TSTD2: variants seen among roughly 807,000 people sequenced by gnomAD.
TSTD2 encodes thiosulfate sulfurtransferase like domain containing 2.
Under a neutral mutation model 47.9 loss-of-function variants are expected in TSTD2, and 37 were observed. The observed-to-expected ratio is 0.77, with a 90% CI of 0.59 to 1.02. The LOEUF (loss-of-function observed/expected upper bound fraction) is 1.02, where lower values mean the gene tolerates loss of function less well. TSTD2 is among the 50% of genes least tolerant of loss of function. TSTD2 has a pLI of 0.00. For synonymous variants in TSTD2, 201 were observed against 215.9 expected (o/e 0.93, Z 0.61); for missense variants, 586 against 616.0 (o/e 0.95, Z 0.52).
chr9:97,602,742 C>T lies in TSTD2; in HGVS notation c.1278G>A (p.Trp426Ter), dbSNP rs1471713350. The T allele has an allele frequency of 6.2e-7, 1 of 1,613,252 alleles. No individual in the cohort carries two copies. The highest frequency in any genetic ancestry group is 1.1e-5 in the South Asian group (1 of 90,950). The change falls in exon 10 of 10, where the codon TGG (tryptophan) becomes TGA (stop). Residue 426 changes from tryptophan (W) to a stop codon, truncating the protein, a stop_gained. Transcript: ENST00000341170. LOFTEE classifies it low-confidence loss of function (END_TRUNC). ...GAGTAGAGCAGAGTTTATACTGGTCCCAGCGGGCTCCACAGTATGAACACT... is the reference window on the plus strand; with the variant it reads ...GAGTAGAGCAGAGTTTATACTGGTCTCAGCGGGCTCCACAGTATGAACACT... ...VSECSYCGAR[W>*]DQYKLCSTPQ...
Position 97,625,730 on chromosome 9 carries a change from A to G in TSTD2, c.433T>C (p.Ser145Pro). ...KECLPHSHDV[S>P]AWLPDISCFN... ...CAGCTTATATCAGGGAGCCAAGCAG[A>G]CACGTCATGGCTATGTGGAAGGCAC... Residue 145 changes from serine to proline, a missense_variant, in exon 3 of 10, where the codon TCT becomes CCT. Transcript: ENST00000341170. 6.2e-7 allele frequency: 1 copy of G among 1,614,110 alleles called. No homozygotes were observed. The highest frequency in any genetic ancestry group is 2.2e-5 in the East Asian group (1 of 44,882).
chr9:97,600,935 TA>T lies in TSTD2; in HGVS notation c.*1533del. 8.8e-7 allele frequency: 1 copy of T among 1,139,798 alleles called. No individual in the cohort carries two copies. Among genetic ancestry groups the T allele is most frequent in the South Asian group, 1.9e-5 (1 of 53,406 alleles). The allele number at this position is 1,139,798 out of a possible 1,614,324, so 70.6% of individuals were successfully genotyped here. ...ATTTTTGTTTGTTGCTTTTGGGAGT[TA>T]TTTTCATTAGTGATTTCAGCAAATC... On this transcript the variant is annotated 3_prime_UTR_variant, in exon 10 of 10. Coordinates refer to ENST00000341170, the MANE Select transcript of TSTD2 (RefSeq NM_139246.5).
chr9:97,618,004 T>G, intron 3 of TSTD2, 127 bp from the exon 4 acceptor site: 1 of 1,276,022 alleles, frequency 7.8e-7, no homozygotes. Context: ...GTCTTTGCTG[T>G]GATGATTGTT....
Position 97,601,517 on chromosome 9 carries a change from C to G in TSTD2, c.*952G>C. ...AATCTCTCATAGAAACGAAACCAAA[C>G]CAACAGAAAATGAAGAAGGCCACAT... On this transcript the variant is annotated 3_prime_UTR_variant, in exon 10 of 10. Coordinates refer to ENST00000341170, the MANE Select transcript of TSTD2 (RefSeq NM_139246.5). 5 of 988,784 alleles carry G rather than the reference C, an allele frequency of 5.1e-6. No individual in the cohort carries two copies. The highest frequency in any genetic ancestry group is 6.0e-6 in the Non-Finnish European group (5 of 831,986). 61.3% of individuals were successfully genotyped at this position (988,784 alleles called of 1,614,324 possible).
chr9:97,620,112 C>G (rs1483427280), intron 3 of TSTD2, among the ~76,000 whole-genome samples: 1 of 152,194 alleles, frequency 6.6e-6, no homozygotes, highest in Admixed American at 6.5e-5. Flanking sequence ...GTAATTCTCA[C>G]AATTCCCACG....
At chr9:97,611,214 C>A (rs1005891295) in intron 5 of TSTD2, 5 of 175,700 alleles carry the variant, frequency 2.8e-5, no homozygotes, top group Non-Finnish European at 6.2e-5. Flanking sequence ...CGTGGGAGGA[C>A]TGCTTGAACC....
chr9:97,632,510 G>A (rs1418726543), intron 1 of TSTD2, among the ~76,000 whole-genome samples: 2 of 145,662 alleles, frequency 1.4e-5, no homozygotes, highest in African/African-American at 2.5e-5. Context: ...CTCCCCTCGA[G>A]TAACTGGGAC....
rs755706318 is a variant in TSTD2, at chr9:97,617,806, A to C, written c.554T>G (p.Ile185Ser). The C allele has an allele frequency of 6.2e-7, 1 of 1,614,204 alleles. No individual in the cohort carries two copies. Among genetic ancestry groups the C allele is most frequent in the South Asian group, 1.1e-5 (1 of 91,084 alleles). ...ACACAGAGCTGTCTGCCAGGCACAG[A>C]TCCATTGGGGATCCTCCAGGTCATG... ...CYHDLEDPQW[I>S]CAWQTALCQH... is the part of the protein sequence containing the mutation. The change falls in exon 4 of 10, where the codon ATC becomes AGC. Residue 185 changes from isoleucine (I) to serine (S), a missense_variant. Ile to Ser is a moderately radical substitution (Grantham distance 142). Coordinates refer to ENST00000341170, the MANE Select transcript of TSTD2 (RefSeq NM_139246.5).
chr9:97,625,544 G>A (rs925538664), intron 3 of TSTD2, 137 bp downstream of exon 3: 10 of 833,862 alleles, frequency 1.2e-5, no homozygotes, highest in Admixed American at 2.7e-5. Flanking sequence ...GGGTGTTCCA[G>A]TTGTTCCACA....
At chr9:97,632,319 G>C (rs2131321444) in intron 1 of TSTD2, among the ~76,000 whole-genome samples, 1 of 152,178 alleles carries the variant, frequency 6.6e-6, no homozygotes, top group Admixed American at 6.5e-5. Flanking sequence ...TTGGAGTACA[G>C]TGAGGAGAAG....
intron 4 of TSTD2, among the ~76,000 whole-genome samples, chr9:97,614,760 C>T (rs1426277756): frequency 1.3e-5 from 2 of 152,184 alleles, no homozygotes; most frequent in African/African-American, 4.8e-5. Context: ...TGGAATCACA[C>T]CTCTACGTAT....
At chr9:97,630,323 T>C (rs1312290173) in intron 1 of TSTD2, among the ~76,000 whole-genome samples, 1 of 152,222 alleles carries the variant, frequency 6.6e-6, no homozygotes, top group Admixed American at 6.5e-5. Context: ...TCAGCTTATT[T>C]TGATTTATGT....
intron 4 of TSTD2, among the ~76,000 whole-genome samples, chr9:97,613,092 C>T (rs1174048485): frequency 6.6e-6 from 1 of 152,218 alleles, no homozygotes; most frequent in Non-Finnish European, 1.5e-5. Context: ...CTGCCACTCA[C>T]TTGCATGTAG....
Position 97,611,656 on chromosome 9 carries a change from C to T in TSTD2, c.647G>A (p.Ser216Asn), listed in dbSNP as rs199740362. Reference protein sequence around the residue: ...AEGINGTVGGSKLATRLYVEV... With the variant: ...AEGINGTVGGNKLATRLYVEV... ...CACATAAAGTCTGGTAGCCAATTTG[C>T]TTCCACCAACTGTCCCATTGATTCC... Residue 216 changes from serine to asparagine, a missense_variant, in exon 5 of 10, where the codon AGC becomes AAC. Physicochemically the swap from Ser to Asn is conservative, Grantham distance 46 (BLOSUM62 1). Coordinates refer to ENST00000341170, the MANE Select transcript of TSTD2 (RefSeq NM_139246.5). 10 of 1,610,982 alleles carry T rather than the reference C, an allele frequency of 6.2e-6. No individual in the cohort carries two copies. The East Asian group carries it at 1.3e-4, about 22-fold the overall frequency.
Position 97,601,111 on chromosome 9 carries a change from T to A in TSTD2, c.*1358A>T, listed in dbSNP as rs988920422. Reference sequence around the variant, plus strand: ...AGGGCCTCAGCGCTATGGAAGAGTGTCCACTGAGGCTGCACATGGCCCAGG... The same window carrying A: ...AGGGCCTCAGCGCTATGGAAGAGTGACCACTGAGGCTGCACATGGCCCAGG... On this transcript the variant is annotated 3_prime_UTR_variant, in exon 10 of 10. Transcript: ENST00000341170. The A allele has an allele frequency of 9.2e-6, 12 of 1,304,142 alleles. No individual in the cohort carries two copies. In the African/African-American group the frequency reaches 1.8e-4, roughly 20 times the overall value. The allele number at this position is 1,304,142 out of a possible 1,614,324, so 80.8% of individuals were successfully genotyped here.
rs113935161 is a variant in TSTD2 at position 97,604,941 on chromosome 9, T to C, written c.1114-76A>G. 15 of 1,572,036 alleles carry C rather than the reference T, an allele frequency of 9.5e-6. No homozygotes were observed. In the African/African-American group the frequency reaches 1.2e-4, roughly 13 times the overall value. ...AAGATGCTCACGGAAGAACGGCGCA[T>C]GGCGAGGAGTGCTGACGTAGAGGAC... On this transcript the variant is annotated intron_variant, in intron 8 of 9. Coordinates refer to ENST00000341170, the MANE Select transcript of TSTD2 (RefSeq NM_139246.5).
intron 1 of TSTD2, among the ~76,000 whole-genome samples, 191 bp from the exon 2 acceptor site, chr9:97,627,803 C>T (rs1425272711): frequency 6.6e-6 from 1 of 152,172 alleles, no homozygotes; most frequent in East Asian, 1.9e-4. Context: ...GAGAATATAG[C>T]AGTAAACGAA....
rs58933803 is a variant in TSTD2 at position 97,601,817 on chromosome 9, T to C, written c.*652A>G. ...AACCATACAGGTTGAAAATACAGTA[T>C]TGGCAGGGGGCGAAACCTGCGTACA... On this transcript the variant is annotated 3_prime_UTR_variant, in exon 10 of 10. Coordinates refer to ENST00000341170, the MANE Select transcript of TSTD2 (RefSeq NM_139246.5). The C allele has an allele frequency of 0.12, 18,805 of 158,492 alleles. 3,311 individuals are homozygous for C. Among genetic ancestry groups the C allele is most frequent in the African/African-American group, 0.38 (15,944 of 41,564 alleles). The allele number at this position is 158,492 out of a possible 1,614,324, so 9.8% of individuals were successfully genotyped here. A position where few individuals can be genotyped will look rare whatever the true frequency, so the allele number is the denominator to read the frequency against.
Position 97,627,566 on chromosome 9 carries a change from G to A in TSTD2, c.-4C>T. The A allele has an allele frequency of 6.3e-7, 1 of 1,598,906 alleles. No individual in the cohort carries two copies. The highest frequency in any genetic ancestry group is 8.5e-7 in the Non-Finnish European group (1 of 1,170,430). On this transcript the variant is annotated 5_prime_UTR_variant, in exon 2 of 10. Coordinates refer to ENST00000341170, the MANE Select transcript of TSTD2 (RefSeq NM_139246.5). ...CTGGTGAAGTGGAAGAAGGCATCTG[G>A]TTTGGTTGCAACAGTGAAGCAGATA...
Sources: allele counts gnomAD v4.1 joint callset (sites outside exome capture counted in the v4.1 genomes callset), GRCh38; gene constraint gnomAD v4.1.1; transcripts MANE v1.5; gene names NCBI Gene and HGNC (gene_info 2026-07-23, HGNC 2026-07-21).